Variants in CUX2 observed in about 807,000 individuals in gnomAD.
The protein encoded by CUX2 is homeobox protein cut-like 2.
A neutral mutation model predicts 144.8 loss-of-function variants in CUX2; 40 were observed. The observed-to-expected ratio is 0.28, with a 90% CI of 0.21 to 0.36. CUX2 has a LOEUF of 0.36. Ranked by LOEUF, CUX2 falls within the 10% of genes least tolerant of loss-of-function variation. The probability of loss-of-function intolerance (pLI) is 1.00; values close to 1 mark genes in which losing one functional copy is unlikely to be tolerated. For synonymous variants in CUX2, 827 were observed against 875.6 expected, an observed-to-expected ratio of 0.94 and a Z score of 0.98; for missense variants, 1,615 against 1,994.0, an observed-to-expected ratio of 0.81 and a Z score of 3.62.
intron 1 of CUX2, among the ~76,000 whole-genome samples, chr12:111,202,937 A>G (rs1880685004): frequency 6.6e-6 from 1 of 152,130 alleles, no homozygotes; most frequent in Non-Finnish European, 1.5e-5. Flanking sequence ...TAGTGTGTTC[A>G]AGAATCAATA....
In CUX2 at chr12:111,263,691, A is replaced by G; in HGVS notation, c.223-70A>G. ...CAGATGTTTTCTTGTGGAAAAAAAA[A>G]ATGATGAAATTTGCTTGCAGACACA... On this transcript the variant is annotated intron_variant, in intron 3 of 21. Transcript: ENST00000261726. This position sits in a 1 kb window ranked among gnomAD's most constrained non-coding sequence, Gnocchi z 4.0. 1 of 1,228,760 alleles carries G rather than the reference A, an allele frequency of 8.1e-7. No individual in the cohort carries two copies. The highest frequency in any genetic ancestry group is 2.3e-5 in the East Asian group (1 of 42,896). The allele number at this position is 1,228,760 out of a possible 1,614,324, so 76.1% of individuals were successfully genotyped here. A position where few individuals can be genotyped will look rare whatever the true frequency, so the allele number is the denominator to read the frequency against.
intron 9 of CUX2, among the ~76,000 whole-genome samples, chr12:111,299,344 CCT>C (rs1408277658): frequency 2.0e-5 from 3 of 152,184 alleles, no homozygotes; most frequent in Non-Finnish European, 2.9e-5. Context: ...GATGCTGTCC[CCT>C]GAGGGAGGGC....
chr12:111,054,539 A>G (rs937122679), intron 1 of CUX2, among the ~76,000 whole-genome samples: 12 of 152,198 alleles, frequency 7.9e-5, no homozygotes, highest in African/African-American at 2.7e-4. Flanking sequence ...TTCTAGTTTA[A>G]CAAGCACTTG....
At chr12:111,046,585 G>A (rs1194074570) in intron 1 of CUX2, among the ~76,000 whole-genome samples, 1 of 152,172 alleles carries the variant, frequency 6.6e-6, no homozygotes, top group Admixed American at 6.5e-5. Context: ...AGGACTGATG[G>A]CTGTCTCACG....
chr12:111,045,671 C>T (rs1413683172), intron 1 of CUX2, among the ~76,000 whole-genome samples: 1 of 152,144 alleles, frequency 6.6e-6, no homozygotes, highest in Non-Finnish European at 1.5e-5. Flanking sequence ...GGAGCTGCAC[C>T]TGCAATGATG....
intron 1 of CUX2, among the ~76,000 whole-genome samples, chr12:111,206,739 T>C (rs1438483977): frequency 2.0e-5 from 3 of 152,104 alleles, no homozygotes; most frequent in Admixed American, 2.0e-4. Flanking sequence ...ACTGCTTGAG[T>C]GATTGGGTAC....
chr12:111,306,326 GT>G (rs35872348), intron 10 of CUX2, among the ~76,000 whole-genome samples: 49,559 of 141,328 alleles, frequency 0.35, 12,409 homozygotes, highest in East Asian at 0.85. Context: ...TGTTTGTTTG[GT>G]TTTTTTTTTT....
chr12:111,321,936 T>G (rs944462469), intron 17 of CUX2, among the ~76,000 whole-genome samples: 1 of 149,708 alleles, frequency 6.7e-6, no homozygotes, highest in Non-Finnish European at 1.5e-5. Flanking sequence ...TTAGGGAGGG[T>G]ACTGGAGGGG....
At position 111,310,471 on chromosome 12, in the gene CUX2, G is replaced by A; in HGVS notation, c.1689G>A (p.Lys563=). Residue 563 remains lysine, a synonymous_variant, in exon 15 of 22, where the codon AAG becomes AAA. Coordinates refer to ENST00000261726, the MANE Select transcript of CUX2 (RefSeq NM_015267.4). The surrounding 1 kb of genome is among the most constrained non-coding windows in gnomAD (Gnocchi z 7.9). ...CGGCAGAGATCGCCTTCCAGGTGAA[G>A]GAGCAGCTGCTGAAACACAACATCG... ...LDTAEIAFQV[K]EQLLKHNIGQ... is the part of the protein sequence containing the mutation. 25 of 1,613,842 alleles carry A rather than the reference G, an allele frequency of 1.5e-5. No homozygotes were observed. The highest frequency in any genetic ancestry group is 2.1e-5 in the Non-Finnish European group (25 of 1,180,006).
chr12:111,331,765 C>T (rs1565926994), intron 18 of CUX2, among the ~76,000 whole-genome samples: 1 of 152,050 alleles, frequency 6.6e-6, no homozygotes, highest in Non-Finnish European at 1.5e-5. Flanking sequence ...AATATATAGT[C>T]ACACAAAATG....
intron 1 of CUX2, among the ~76,000 whole-genome samples, chr12:111,065,677 C>T (rs1453117892): frequency 6.6e-6 from 1 of 152,180 alleles, no homozygotes; most frequent in African/African-American, 2.4e-5. Flanking sequence ...TTTGTTTTGG[C>T]TTAATGTCCA....
In CUX2 at chr12:111,068,325, ACT is replaced by A. The variant is rs1351675845; in HGVS notation, c.63+34089_63+34090del. On this transcript the variant is annotated intron_variant, in intron 1 of 21. Coordinates refer to ENST00000261726, the MANE Select transcript of CUX2 (RefSeq NM_015267.4). The surrounding 1 kb of genome is among the most constrained non-coding windows in gnomAD (Gnocchi z 4.9). ...GGGTTGGCTTCCTCGAACCAAAATA[ACT>A]CTCACAATGCACAGGGAAAAGTGCT... is the stretch of plus-strand genomic sequence containing the variant. Among the ~76,000 whole-genome samples the A allele has an allele frequency of 6.6e-6, 1 of 152,096 alleles. No individual in the cohort carries two copies. The highest frequency in any genetic ancestry group is 2.4e-5 in the African/African-American group (1 of 41,382).
chr12:111,285,809 C>G (rs1479079269), intron 4 of CUX2, among the ~76,000 whole-genome samples: 1 of 152,236 alleles, frequency 6.6e-6, no homozygotes, highest in Non-Finnish European at 1.5e-5. Context: ...TCCGTTGCAG[C>G]CCGACTTTGG....
intron 1 of CUX2, among the ~76,000 whole-genome samples, chr12:111,093,354 C>T (rs1029085249): frequency 2.6e-5 from 4 of 152,180 alleles, no homozygotes; most frequent in Admixed American, 6.5e-5. Flanking sequence ...CTAGCTTTTG[C>T]ATCTCCTGCC....
chr12:111,185,271 T>C (rs1346537770), intron 1 of CUX2, among the ~76,000 whole-genome samples: 1 of 152,234 alleles, frequency 6.6e-6, no homozygotes, highest in East Asian at 1.9e-4. Flanking sequence ...TATCATACTT[T>C]AGCAGTGTCA....
intron 1 of CUX2, among the ~76,000 whole-genome samples, chr12:111,070,393 TTTCCTTCC>T (rs143464416): frequency 0.057 from 5,679 of 99,344 alleles, 226 homozygotes; most frequent in Admixed American, 0.1. Context: ...TCCTTCCTTC[TTTCCTTCC>T]TTCCTTCCTT....
intron 1 of CUX2, among the ~76,000 whole-genome samples, chr12:111,149,308 G>A (rs1195283202): frequency 1.3e-5 from 2 of 152,084 alleles, no homozygotes; most frequent in Non-Finnish European, 2.9e-5. Flanking sequence ...TGTATTTTAT[G>A]TGTGGGCCAA....
Position 111,293,654 on chromosome 12 carries a change from G to GA in CUX2, c.560+85_560+86insA. 1 of 1,489,676 alleles carries GA rather than the reference G, an allele frequency of 6.7e-7. No individual in the cohort carries two copies. The highest frequency in any genetic ancestry group is 9.0e-7 in the Non-Finnish European group (1 of 1,113,382). The allele number at this position is 1,489,676 out of a possible 1,614,324, so 92.3% of individuals were successfully genotyped here. A position where few individuals can be genotyped will look rare whatever the true frequency, so the allele number is the denominator to read the frequency against. ...CCTGGCTGGGTCGTGGACGGGGAAA[G>GA]TCTCCTACCAGAATCCAGATGCAGG... is the stretch of plus-strand genomic sequence containing the variant. On this transcript the variant is annotated intron_variant, in intron 6 of 21. Coordinates refer to ENST00000261726, the MANE Select transcript of CUX2 (RefSeq NM_015267.4). This position sits in a 1 kb window ranked among gnomAD's most constrained non-coding sequence, Gnocchi z 4.5.
In CUX2 at chr12:111,334,272, T is replaced by G. The variant is rs533410222; in HGVS notation, c.2927-169T>G. On this transcript the variant is annotated intron_variant, in intron 18 of 21. Transcript: ENST00000261726. ...TCCCAGTCCAGTCCTCATCAAACTTTCATCCACTAGTTTTAGCATCCAGGG... is the reference window on the plus strand; with the variant it reads ...TCCCAGTCCAGTCCTCATCAAACTTGCATCCACTAGTTTTAGCATCCAGGG... Among the ~76,000 whole-genome samples, 10 of 152,266 alleles carry G rather than the reference T, an allele frequency of 6.6e-5. No homozygotes were observed. In the East Asian group the frequency reaches 1.2e-3, roughly 18 times the overall value.
Sources: allele counts gnomAD v4.1 joint callset (sites outside exome capture counted in the v4.1 genomes callset), GRCh38; gene constraint gnomAD v4.1.1; non-coding constraint Gnocchi (gnomAD v3.1); transcripts MANE v1.5; gene names NCBI Gene and HGNC (gene_info 2026-07-23, HGNC 2026-07-21).